The following DENND2C variants were observed in gnomAD, a reference collection of about 807,000 sequenced individuals.
DENND2C encodes the protein DENN domain containing 2C, also known as DENN domain-containing protein 2C.
A neutral mutation model predicts 112.4 loss-of-function variants in DENND2C; 72 were observed. The ratio of observed to expected loss-of-function variants is 0.64; its 90% CI spans 0.53 to 0.78. The LOEUF (loss-of-function observed/expected upper bound fraction) is 0.78. Among genes scored for constraint, DENND2C ranks in the 30% least tolerant of loss-of-function variants. The pLI, the probability that DENND2C is intolerant of heterozygous loss-of-function variation, is 0.00. For synonymous variants in DENND2C, 329 were observed against 381.6 expected (o/e 0.86, Z 1.61); for missense variants, 992 against 1,113.8 (o/e 0.89, Z 1.56).
At chr1:114,609,076 G>C (rs1367352338) in intron 9 of DENND2C, among the ~76,000 whole-genome samples, 2 of 152,198 alleles carry the variant, frequency 1.3e-5, no homozygotes, top group African/African-American at 4.8e-5. Context: ...CAAGTGTGCA[G>C]GGGCCTCACT....
intron 3 of DENND2C, among the ~76,000 whole-genome samples, chr1:114,637,178 G>A (rs1433230582): frequency 6.6e-6 from 1 of 151,172 alleles, no homozygotes; most frequent in East Asian, 2.0e-4. Flanking sequence ...ATGTTGCCCA[G>A]GCTGGTCTTG....
At chr1:114,592,816 C>T (rs1655233032) in intron 18 of DENND2C, among the ~76,000 whole-genome samples, 1 of 152,142 alleles carries the variant, frequency 6.6e-6, no homozygotes, top group Admixed American at 6.6e-5. Context: ...TCACTTTCTT[C>T]CCCTCATTCC....
At chr1:114,627,109 T>C (rs1656364915) in intron 3 of DENND2C, among the ~76,000 whole-genome samples, 1 of 152,190 alleles carries the variant, frequency 6.6e-6, no homozygotes, top group Non-Finnish European at 1.5e-5. Flanking sequence ...ATTTGACGAC[T>C]GGACTTCCCA....
At chr1:114,636,051 T>C (rs1656648700) in intron 3 of DENND2C, among the ~76,000 whole-genome samples, 1 of 150,006 alleles carries the variant, frequency 6.7e-6, no homozygotes, top group Admixed American at 6.7e-5. Flanking sequence ...ATAATATATA[T>C]ATAAGCAAAT....
At chr1:114,608,974 A>G in intron 9 of DENND2C, 101 bp from the exon 10 acceptor site, 1 of 1,249,230 alleles carries the variant, frequency 8.0e-7, no homozygotes, top group South Asian at 1.3e-5. Flanking sequence ...TCACACAGTC[A>G]CTGCTGAATG....
chr1:114,638,472 A>G (rs1656714959), intron 3 of DENND2C, among the ~76,000 whole-genome samples: 1 of 152,092 alleles, frequency 6.6e-6, no homozygotes, highest in South Asian at 2.1e-4. Context: ...TTAAAAATTA[A>G]ATGGAGCTGG....
intron 3 of DENND2C, among the ~76,000 whole-genome samples, chr1:114,630,811 G>C (rs1656469446): frequency 6.6e-6 from 1 of 152,112 alleles, no homozygotes; most frequent in African/African-American, 2.4e-5. Context: ...AAAAACTATG[G>C]GAGATTTTTA....
chr1:114,594,072 T>C (rs372408744), intron 18 of DENND2C, among the ~76,000 whole-genome samples: 1 of 152,308 alleles, frequency 6.6e-6, no homozygotes. Context: ...ACGGAACTTA[T>C]GCTGTAGAAT....
At chr1:114,640,348 C>T (rs904049842) in intron 3 of DENND2C, among the ~76,000 whole-genome samples, 8 of 151,878 alleles carry the variant, frequency 5.3e-5, no homozygotes, top group Non-Finnish European at 8.8e-5. Flanking sequence ...GTCACTAGCC[C>T]GAGAGAAATA....
intron 11 of DENND2C, among the ~76,000 whole-genome samples, chr1:114,603,402 A>C (rs1282474025): frequency 6.6e-6 from 1 of 151,762 alleles, no homozygotes; most frequent in African/African-American, 2.4e-5. Context: ...GCCTGGGATT[A>C]CAGGCGTGAG....
intron 5 of DENND2C, 116 bp downstream of exon 5, chr1:114,623,391 A>C: frequency 9.5e-7 from 1 of 1,049,422 alleles, no homozygotes; most frequent in South Asian, 1.7e-5. Flanking sequence ...TTCCATGCTA[A>C]AGAGAAAAAC....
At chr1:114,608,567 A>C in intron 10 of DENND2C, 119 bp downstream of exon 10, 2 of 1,141,582 alleles carry the variant, frequency 1.8e-6, no homozygotes, top group Non-Finnish European at 2.5e-6. Context: ...ACCAGATCCT[A>C]CCACAAGAAC....
chr1:114,618,301 T>A, intron 8 of DENND2C, 85 bp downstream of exon 8: 2 of 1,029,672 alleles, frequency 1.9e-6, no homozygotes, highest in East Asian at 5.6e-5. Flanking sequence ...AAATTTTTAA[T>A]ACACATCAAA....
At chr1:114,632,611 A>C (rs1040008050) in intron 3 of DENND2C, among the ~76,000 whole-genome samples, 3 of 152,320 alleles carry the variant, frequency 2.0e-5, no homozygotes, top group Admixed American at 6.5e-5. Context: ...CCAGTGACAT[A>C]ATTTATGAGT....
intron 8 of DENND2C, among the ~76,000 whole-genome samples, chr1:114,611,778 A>AACACACAC (rs6143386): frequency 0.081 from 11,980 of 148,208 alleles, 493 homozygotes; most frequent in African/African-American, 0.096. Context: ...GAGCACAGGC[A>AACACACAC]ACACACACAC....
At chr1:114,639,257 T>C (rs1656749505) in intron 3 of DENND2C, among the ~76,000 whole-genome samples, 1 of 152,188 alleles carries the variant, frequency 6.6e-6, no homozygotes, top group African/African-American at 2.4e-5. Context: ...AAGCAGTTTC[T>C]TACAAAATTT....
chr1:114,592,272 A>C (rs1411714585), intron 18 of DENND2C, among the ~76,000 whole-genome samples: 1 of 152,022 alleles, frequency 6.6e-6, no homozygotes, highest in East Asian at 1.9e-4. Flanking sequence ...ATGTATATGC[A>C]CTCTGTATTC....
intron 1 of DENND2C, among the ~76,000 whole-genome samples, chr1:114,668,008 A>G (rs1430154931): frequency 6.6e-6 from 1 of 152,204 alleles, no homozygotes; most frequent in Non-Finnish European, 1.5e-5. Context: ...ATCCGCTTTA[A>G]AAACAGCTTT....
At chr1:114,614,071 A>G (rs1655892441) in intron 8 of DENND2C, among the ~76,000 whole-genome samples, 1 of 151,960 alleles carries the variant, frequency 6.6e-6, no homozygotes, top group African/African-American at 2.4e-5. Context: ...GTCTCTACGA[A>G]AAATTAAAAA....
Sources: gnomAD v4.1 joint callset for allele counts (sites outside exome capture counted in the v4.1 genomes callset) on GRCh38, gnomAD v4.1.1 for gene constraint, MANE v1.5 for transcripts, NCBI Gene and HGNC (gene_info 2026-07-23, HGNC 2026-07-21) for gene names.